STK32A: variants seen among roughly 807,000 people sequenced by gnomAD.
STK32A encodes serine/threonine kinase 32A.
In STK32A, 41 loss-of-function variants were observed where a neutral mutation model predicts 53.2. The observed-to-expected ratio is 0.77, with a 90% CI of 0.60 to 1.00. The LOEUF (loss-of-function observed/expected upper bound fraction) is 1.00. Among genes scored for constraint, STK32A ranks in the 50% least tolerant of loss-of-function variants. The probability of loss-of-function intolerance (pLI) is 0.00; values close to 1 mark genes in which losing one functional copy is unlikely to be tolerated. For missense variants in STK32A, 458 were observed against 485.8 expected (o/e 0.94, Z 0.54); for synonymous variants, 166 against 162.8 (o/e 1.02, Z -0.15).
chr5:147,355,805 T>C (rs1756210270), intron 7 of STK32A, among the ~76,000 whole-genome samples: 1 of 151,440 alleles, frequency 6.6e-6, no homozygotes. Flanking sequence ...TATATATATA[T>C]ATATATAAAT....
At position 147,384,629 on chromosome 5, in the gene STK32A, A is replaced by G. The variant is rs1022836883; in HGVS notation, c.*646A>G. Reference sequence around the variant, plus strand: ...CCACTTCCCAGCTCCCTCTTCAACAATGTGAAAGTGGTAACTTGAAATTGG... The same window carrying G: ...CCACTTCCCAGCTCCCTCTTCAACAGTGTGAAAGTGGTAACTTGAAATTGG... On this transcript the variant is annotated 3_prime_UTR_variant, in exon 13 of 13. Transcript: ENST00000397936. 2 of 441,268 alleles carry G rather than the reference A, an allele frequency of 4.5e-6. No homozygotes were observed. The highest frequency in any genetic ancestry group is 4.0e-5 in the Admixed American group (1 of 24,954). The allele number at this position is 441,268 out of a possible 1,614,324, so 27.3% of individuals were successfully genotyped here. A position where few individuals can be genotyped will look rare whatever the true frequency, so the allele number is the denominator to read the frequency against.
At chr5:147,286,949 T>C (rs577448307) in intron 4 of STK32A, among the ~76,000 whole-genome samples, 9 of 152,178 alleles carry the variant, frequency 5.9e-5, no homozygotes, top group Non-Finnish European at 1.2e-4. Context: ...ATCAGCTGAC[T>C]TGAGGTTGAT....
chr5:147,294,950 T>C (rs960034448), intron 4 of STK32A, among the ~76,000 whole-genome samples: 3 of 152,214 alleles, frequency 2.0e-5, no homozygotes, highest in Non-Finnish European at 4.4e-5. Flanking sequence ...CCCAAAGTGC[T>C]GGGATAACAG....
At chr5:147,349,135 A>G (rs1755833793) in intron 6 of STK32A, among the ~76,000 whole-genome samples, 1 of 152,248 alleles carries the variant, frequency 6.6e-6, no homozygotes, top group African/African-American at 2.4e-5. Context: ...ACGCTATGAT[A>G]AAGTTATTGA....
intron 5 of STK32A, among the ~76,000 whole-genome samples, chr5:147,324,935 C>T (rs1176931906): frequency 6.6e-6 from 1 of 152,088 alleles, no homozygotes; most frequent in Non-Finnish European, 1.5e-5. Context: ...TTTATTAAAT[C>T]CTCAAAACTC....
At chr5:147,244,561 C>T (rs192344493) in intron 2 of STK32A, among the ~76,000 whole-genome samples, 43 of 152,214 alleles carry the variant, frequency 2.8e-4, no homozygotes, top group African/African-American at 1.0e-3. Flanking sequence ...AGCTGTGCCA[C>T]GTGCCAGTAA....
chr5:147,400,754 C>T, the STK32A span: 2 of 1,614,092 alleles, frequency 1.2e-6, no homozygotes, highest in African/African-American at 1.3e-5. Context: ...TCAGGAATGG[C>T]TGTGAAGTTG....
chr5:147,235,047 G>A lies in STK32A; in HGVS notation c.-249G>A. The A allele has an allele frequency of 6.5e-6, 1 of 154,970 alleles. No homozygotes were observed. 9.6% of individuals were successfully genotyped at this position (154,970 alleles called of 1,614,324 possible). ...GCTCAGTCCAGCGCAGCCCAGCCCA[G>A]CCCAGCCCGGCGCTCGCAGCCTCCG... On this transcript the variant is annotated 5_prime_UTR_variant, in exon 1 of 13. Coordinates refer to ENST00000397936, the MANE Select transcript of STK32A (RefSeq NM_001112724.2).
intron 4 of STK32A, among the ~76,000 whole-genome samples, chr5:147,281,582 AC>A (rs1292359607): frequency 6.6e-6 from 1 of 151,846 alleles, no homozygotes; most frequent in Non-Finnish European, 1.5e-5. Flanking sequence ...GAAAATATAA[AC>A]AAAACTCCCA....
intron 2 of STK32A, among the ~76,000 whole-genome samples, chr5:147,241,284 C>T (rs531659332): frequency 6.1e-4 from 93 of 152,314 alleles, no homozygotes; most frequent in African/African-American, 2.1e-3. Flanking sequence ...CGAGACCATC[C>T]TGGCTAACAC....
At chr5:147,292,039 A>G in intron 4 of STK32A, among the ~76,000 whole-genome samples, 1 of 152,206 alleles carries the variant, frequency 6.6e-6, no homozygotes, top group East Asian at 1.9e-4. Context: ...TGTAGCATCT[A>G]CATAAATTGG....
chr5:147,255,579 G>C (rs898625314), intron 2 of STK32A, among the ~76,000 whole-genome samples: 3 of 152,194 alleles, frequency 2.0e-5, no homozygotes, highest in Non-Finnish European at 4.4e-5. Flanking sequence ...AGACCATGCA[G>C]TGCCTTTCTA....
chr5:147,296,706 G>A (rs145947995), intron 4 of STK32A, among the ~76,000 whole-genome samples: 6 of 152,072 alleles, frequency 3.9e-5, no homozygotes, highest in East Asian at 1.9e-4. Context: ...TCCTGGCGCC[G>A]GCTGCAACCA....
intron 7 of STK32A, among the ~76,000 whole-genome samples, chr5:147,360,073 A>G (rs1022569540): frequency 5.3e-5 from 8 of 152,062 alleles, no homozygotes; most frequent in African/African-American, 1.9e-4. Flanking sequence ...AGCCTACCCA[A>G]TGTTTCTGAG....
chr5:147,268,118 C>A (rs564230400), intron 2 of STK32A, among the ~76,000 whole-genome samples: 2 of 132,998 alleles, frequency 1.5e-5, no homozygotes, highest in Non-Finnish European at 3.2e-5. Flanking sequence ...TTGAGAATCA[C>A]GTCAGGACCA....
chr5:147,255,092 A>G (rs1223366032), intron 2 of STK32A, among the ~76,000 whole-genome samples: 1 of 152,204 alleles, frequency 6.6e-6, no homozygotes, highest in Non-Finnish European at 1.5e-5. Flanking sequence ...GTGAGGCGAG[A>G]TCCTGCCATT....
At chr5:147,273,947 A>T (rs1341367720) in intron 2 of STK32A, among the ~76,000 whole-genome samples, 1 of 152,206 alleles carries the variant, frequency 6.6e-6, no homozygotes, top group African/African-American at 2.4e-5. Context: ...AAAATGAAAC[A>T]TGTACTGACC....
At chr5:147,242,888 T>C (rs960555796) in intron 2 of STK32A, among the ~76,000 whole-genome samples, 1 of 152,196 alleles carries the variant, frequency 6.6e-6, no homozygotes, top group Admixed American at 6.5e-5. Context: ...GGTAAAATTG[T>C]ATCTGATTGC....
chr5:147,376,348 T>A (rs185050194), intron 11 of STK32A, among the ~76,000 whole-genome samples: 1 of 152,242 alleles, frequency 6.6e-6, no homozygotes, highest in Admixed American at 6.5e-5. Context: ...CTGAACTGTC[T>A]TCTTCCCAAT....
Sources: allele counts gnomAD v4.1 joint callset (sites outside exome capture counted in the v4.1 genomes callset), GRCh38; gene constraint gnomAD v4.1.1; transcripts MANE v1.5; gene names NCBI Gene and HGNC (gene_info 2026-07-23, HGNC 2026-07-21).